The following ATP9B variants were observed in gnomAD, a reference collection of about 807,000 sequenced individuals.
ATP9B encodes ATPase phospholipid transporting 9B, also known as probable phospholipid-transporting ATPase IIB.
A neutral mutation model predicts 146.1 loss-of-function variants in ATP9B; 110 were observed. The observed-to-expected ratio is 0.75, with a 90% CI of 0.65 to 0.88. The LOEUF (loss-of-function observed/expected upper bound fraction) is 0.88, where lower values mean the gene tolerates loss of function less well. Ranked by LOEUF, ATP9B falls within the 40% of genes least tolerant of loss-of-function variation. The pLI, the probability that ATP9B is intolerant of heterozygous loss-of-function variation, is 0.00. For synonymous variants in ATP9B, 604 were observed against 569.7 expected (o/e 1.06, Z -0.86); for missense variants, 1,499 against 1,496.4 (o/e 1.00, Z -0.03).
chr18:79,332,636 A>G lies in ATP9B; in HGVS notation c.2028+2532A>G, dbSNP rs137989236. On this transcript the variant is annotated intron_variant, in intron 17 of 29. Coordinates refer to ENST00000426216, the MANE Select transcript of ATP9B (RefSeq NM_198531.5). ...GGTGGAAGCGGAGGCAGGAGGGGCA[A>G]GCTCACTCCGCATAAACTTTACTGA... Among the ~76,000 whole-genome samples, 101 of 152,208 alleles carry G rather than the reference A, an allele frequency of 6.6e-4. 1 individual carries two copies. In the East Asian group the frequency reaches 0.016, roughly 24 times the overall value.
chr18:79,330,120 T>G lies in ATP9B; in HGVS notation c.2028+16T>G. On this transcript the variant is annotated intron_variant, in intron 17 of 29. Transcript: ENST00000426216. ...GGAAGAGGAGGTATGTGAGTGACTC[T>G]AGCGTGGTTCACAGTGTTTCTATGG... is the stretch of plus-strand genomic sequence containing the variant. 11 of 1,609,312 alleles carry G rather than the reference T, an allele frequency of 6.8e-6. No individual in the cohort carries two copies. Among genetic ancestry groups the G allele is most frequent in the Non-Finnish European group, 8.5e-6 (10 of 1,175,788 alleles).
intron 13 of ATP9B, among the ~76,000 whole-genome samples, chr18:79,293,573 G>A (rs1194129372): frequency 6.6e-6 from 1 of 152,198 alleles, no homozygotes; most frequent in Non-Finnish European, 1.5e-5. Flanking sequence ...CCCACCAGCA[G>A]AAAGGCCCTG....
chr18:79,181,053 C>T (rs780211127), intron 8 of ATP9B, among the ~76,000 whole-genome samples: 25 of 151,928 alleles, frequency 1.6e-4, no homozygotes, highest in Non-Finnish European at 2.9e-5. Flanking sequence ...TCAGATGATC[C>T]GCCCACCTTG....
intron 12 of ATP9B, 73 bp downstream of exon 12, chr18:79,253,614 A>G (rs2096051654): frequency 3.5e-6 from 5 of 1,435,538 alleles, no homozygotes; most frequent in Non-Finnish European, 1.9e-6. Context: ...TATCTTTCTC[A>G]GTATGAAAGA....
intron 11 of ATP9B, among the ~76,000 whole-genome samples, chr18:79,235,750 C>A (rs1468212697): frequency 6.6e-6 from 1 of 151,660 alleles, no homozygotes; most frequent in Non-Finnish European, 1.5e-5. Flanking sequence ...GGGAGTGTCC[C>A]TTCCTCACCA....
At chr18:79,338,306 A>G (rs1040607617) in intron 19 of ATP9B, among the ~76,000 whole-genome samples, 3 of 152,110 alleles carry the variant, frequency 2.0e-5, no homozygotes, top group African/African-American at 7.2e-5. Flanking sequence ...GGCAGGTGCA[A>G]AGCTGCTTGT....
chr18:79,264,221 A>G (rs2145389422), intron 12 of ATP9B, among the ~76,000 whole-genome samples: 1 of 152,346 alleles, frequency 6.6e-6, no homozygotes, highest in East Asian at 1.9e-4. Flanking sequence ...CAGTGTGGAG[A>G]ATAGTTCACA....
intron 15 of ATP9B, among the ~76,000 whole-genome samples, chr18:79,308,960 G>GAT (rs1353423320): frequency 3.2e-5 from 1 of 30,778 alleles, no homozygotes. Context: ...GAAGGTCAGG[G>GAT]GCTGAGGAGT....
chr18:79,276,864 C>T (rs899063622), intron 12 of ATP9B, among the ~76,000 whole-genome samples, 190 bp from the exon 13 acceptor site: 1 of 152,106 alleles, frequency 6.6e-6, no homozygotes, highest in Non-Finnish European at 1.5e-5. Context: ...GAACCATGAG[C>T]CTGAATGTGT....
At chr18:79,250,835 C>A (rs569358855) in intron 11 of ATP9B, among the ~76,000 whole-genome samples, 1 of 152,188 alleles carries the variant, frequency 6.6e-6, no homozygotes, top group East Asian at 1.9e-4. Context: ...GGCGCTGTTA[C>A]TGGTACTGTG....
chr18:79,152,951 T>G (rs572154907), intron 6 of ATP9B, among the ~76,000 whole-genome samples: 2 of 152,346 alleles, frequency 1.3e-5, no homozygotes, highest in South Asian at 4.1e-4. Flanking sequence ...TAATCTAGTT[T>G]TATTAGGTTG....
At chr18:79,207,313 T>C (rs2095543877) in intron 10 of ATP9B, among the ~76,000 whole-genome samples, 1 of 152,178 alleles carries the variant, frequency 6.6e-6, no homozygotes, top group Admixed American at 6.5e-5. Context: ...AACTTGTCAG[T>C]GTTCCTTAAT....
chr18:79,326,907 C>T (rs2147019395), intron 15 of ATP9B, among the ~76,000 whole-genome samples: 1 of 152,354 alleles, frequency 6.6e-6, no homozygotes, highest in African/African-American at 2.4e-5. Flanking sequence ...TGTGCCCTCA[C>T]ACCTCATTTC....
At chr18:79,339,034 A>C (rs1170254490) in intron 19 of ATP9B, among the ~76,000 whole-genome samples, 1 of 152,240 alleles carries the variant, frequency 6.6e-6, no homozygotes, top group Non-Finnish European at 1.5e-5. Flanking sequence ...AGAGACTTGT[A>C]AGATTTAATG....
intron 10 of ATP9B, among the ~76,000 whole-genome samples, chr18:79,207,731 G>A (rs2095547462): frequency 6.6e-6 from 1 of 151,912 alleles, no homozygotes; most frequent in African/African-American, 2.4e-5. Context: ...CCAGTGCTGG[G>A]TGCCCTTCTC....
intron 1 of ATP9B, among the ~76,000 whole-genome samples, chr18:79,088,215 C>T (rs1258733488): frequency 1.3e-5 from 2 of 152,270 alleles, no homozygotes; most frequent in East Asian, 1.9e-4. Flanking sequence ...CTGCGTTTCC[C>T]GCATTAAACT....
chr18:79,090,848 T>C (rs1424665491), intron 1 of ATP9B, among the ~76,000 whole-genome samples: 4 of 152,182 alleles, frequency 2.6e-5, no homozygotes, highest in Admixed American at 2.6e-4. Flanking sequence ...GCCGAAGAAG[T>C]CTTTGTCCAG....
intron 2 of ATP9B, among the ~76,000 whole-genome samples, chr18:79,109,691 G>T (rs779119411): frequency 3.0e-4 from 46 of 151,576 alleles, no homozygotes; most frequent in Non-Finnish European, 6.2e-4. Context: ...TCAGCCTCCT[G>T]AGTAGCTGGG....
chr18:79,334,560 G>A (rs1045031522), intron 17 of ATP9B, among the ~76,000 whole-genome samples: 2 of 151,992 alleles, frequency 1.3e-5, no homozygotes, highest in Admixed American at 6.5e-5. Flanking sequence ...CCTGAGCCCC[G>A]TCCTGGTCCA....
Sources: allele counts gnomAD v4.1 joint callset (sites outside exome capture counted in the v4.1 genomes callset), GRCh38; gene constraint gnomAD v4.1.1; transcripts MANE v1.5; gene names NCBI Gene and HGNC (gene_info 2026-07-23, HGNC 2026-07-21).